RXRG: variants seen among roughly 807,000 people sequenced by gnomAD.
RXRG encodes retinoid X receptor gamma, also known as retinoic acid receptor RXR-gamma.
In RXRG, 19 loss-of-function variants were observed where a neutral mutation model predicts 49.2. The observed-to-expected ratio is 0.39, with a 90% confidence interval of 0.27 to 0.57. The LOEUF (loss-of-function observed/expected upper bound fraction) is 0.57. Ranked by LOEUF, RXRG falls within the 20% of genes least tolerant of loss-of-function variation. The pLI is 0.64. For synonymous variants in RXRG, 224 were observed against 216.6 expected (o/e 1.03, Z -0.30); for missense variants, 452 against 592.5 (o/e 0.76, Z 2.46).
At chr1:165,424,888 C>A in intron 2 of RXRG, 2 of 985,558 alleles carry the variant, frequency 2.0e-6, no homozygotes, top group Non-Finnish European at 1.2e-6. Flanking sequence ...AACACCAAGG[C>A]CTTTTTTCCA....
At chr1:165,418,099 A>C (rs157867) in intron 3 of RXRG, among the ~76,000 whole-genome samples, 60,860 of 133,406 alleles carry the variant, frequency 0.46, 15,061 homozygotes, top group African/African-American at 0.67. Flanking sequence ...TGACAGAGCG[A>C]GATCCCGTCT....
chr1:165,433,024 C>A (rs1315178390), intron 1 of RXRG, among the ~76,000 whole-genome samples: 2 of 152,132 alleles, frequency 1.3e-5, no homozygotes, highest in Non-Finnish European at 2.9e-5. Context: ...GGGATTAATG[C>A]ACTTATAAGA....
intron 4 of RXRG, among the ~76,000 whole-genome samples, chr1:165,415,462 C>T (rs1049072632): frequency 2.6e-5 from 4 of 152,164 alleles, no homozygotes; most frequent in Non-Finnish European, 4.4e-5. Context: ...GGCTACTGTG[C>T]TAAGAAGAGA....
intron 1 of RXRG, among the ~76,000 whole-genome samples, chr1:165,437,757 T>C (rs1658860355): frequency 6.6e-6 from 1 of 152,208 alleles, no homozygotes; most frequent in Non-Finnish European, 1.5e-5. Flanking sequence ...TGTACCAGTA[T>C]ACGGAATTGG....
intron 7 of RXRG, 40 bp downstream of exon 7, chr1:165,409,517 AC>A: frequency 7.1e-7 from 1 of 1,405,834 alleles, no homozygotes; most frequent in Non-Finnish European, 9.3e-7. Flanking sequence ...ACACACACAC[AC>A]ACATAATACA....
At chr1:165,433,748 G>C (rs1320440727) in intron 1 of RXRG, among the ~76,000 whole-genome samples, 1 of 152,188 alleles carries the variant, frequency 6.6e-6, no homozygotes, top group Admixed American at 6.5e-5. Context: ...AAGTGCAGGT[G>C]TTGGTGGTCT....
intron 1 of RXRG, among the ~76,000 whole-genome samples, chr1:165,444,610 C>T (rs376358161): frequency 6.6e-6 from 1 of 152,174 alleles, no homozygotes; most frequent in Non-Finnish European, 1.5e-5. Flanking sequence ...TTAGAATATC[C>T]CCGTATCCTC....
rs775016611 is a variant in RXRG, at chr1:165,438,350, C to CAA, written c.49+6493_49+6494dup. Among the ~76,000 whole-genome samples the CAA allele has an allele frequency of 5.3e-3, 787 of 148,138 alleles. 11 individuals are homozygous for CAA. The highest frequency in any genetic ancestry group is 0.017 in the African/African-American group (688 of 40,954). On this transcript the variant is annotated intron_variant, in intron 1 of 9. Coordinates refer to ENST00000359842, the MANE Select transcript of RXRG (RefSeq NM_006917.5). ...ATTGGTAAGTATAAGGCAAATATTC[C>CAA]AAAATAAAAAAAAAATCCCAAATCC...
At chr1:165,433,023 G>A (rs995582710) in intron 1 of RXRG, among the ~76,000 whole-genome samples, 12 of 152,154 alleles carry the variant, frequency 7.9e-5, no homozygotes, top group Non-Finnish European at 1.5e-4. Flanking sequence ...TGGGATTAAT[G>A]CACTTATAAG....
At chr1:165,431,808 A>G (rs1259755517) in intron 1 of RXRG, among the ~76,000 whole-genome samples, 2 of 152,086 alleles carry the variant, frequency 1.3e-5, no homozygotes, top group Non-Finnish European at 2.9e-5. Flanking sequence ...GACAAAGGGC[A>G]TTTTAAGTGG....
Position 165,411,380 on chromosome 1 carries a change from C to G in RXRG, c.623-271G>C, listed in dbSNP as rs528208992. On this transcript the variant is annotated intron_variant, in intron 4 of 9. Transcript: ENST00000359842. ...TATCCATTTTAAGCTTTAATAAACT[C>G]TAATTGTATCCTCTCTTTTAATGGG... is the stretch of plus-strand genomic sequence containing the variant. Among the ~76,000 whole-genome samples the G allele has an allele frequency of 2.6e-5, 4 of 152,278 alleles. No homozygotes were observed. In the South Asian group the frequency reaches 6.2e-4, roughly 24 times the overall value.
chr1:165,405,506 T>C lies in RXRG; in HGVS notation c.1244+1306A>G, dbSNP rs60490861. Among the ~76,000 whole-genome samples, 594 of 152,360 alleles carry C rather than the reference T, an allele frequency of 3.9e-3. 8 individuals are homozygous for C. Among genetic ancestry groups the C allele is most frequent in the African/African-American group, 0.014 (578 of 41,590 alleles). On this transcript the variant is annotated intron_variant, in intron 9 of 9. Coordinates refer to ENST00000359842, the MANE Select transcript of RXRG (RefSeq NM_006917.5). ...CTTGGCATCAGCTAATGAAAGTGAA[T>C]GAAAAGGTGAGGGCCCTCTAAGACC... is the stretch of plus-strand genomic sequence containing the variant.
At chr1:165,401,453 C>T (rs763127065) in intron 9 of RXRG, 43 bp from the exon 10 acceptor site, 1 of 1,609,506 alleles carries the variant, frequency 6.2e-7, no homozygotes, top group Non-Finnish European at 8.5e-7. Context: ...GACGGGCAGG[C>T]ACTGCACACC....
chr1:165,409,949 C>CT (rs3835578), intron 6 of RXRG, among the ~76,000 whole-genome samples: 81,690 of 149,034 alleles, frequency 0.55, 24,257 homozygotes, highest in Middle Eastern at 0.7. Flanking sequence ...GACAAGGATT[C>CT]TTTTTTTTTT....
chr1:165,429,719 C>T (rs959787793), intron 1 of RXRG, among the ~76,000 whole-genome samples: 1 of 152,182 alleles, frequency 6.6e-6, no homozygotes, highest in Non-Finnish European at 1.5e-5. Flanking sequence ...AAGGCAAATG[C>T]AGACCAGACT....
chr1:165,419,221 T>C (rs1447927220), intron 3 of RXRG, among the ~76,000 whole-genome samples: 3 of 152,190 alleles, frequency 2.0e-5, no homozygotes, highest in Admixed American at 2.0e-4. Flanking sequence ...AAAAGCATAT[T>C]GAAAATCTAG....
At chr1:165,429,076 C>G in intron 1 of RXRG, 110 bp from the exon 2 acceptor site, 1 of 1,208,134 alleles carries the variant, frequency 8.3e-7, no homozygotes. Context: ...CCTCTTTTAG[C>G]CACACCTACA....
intron 1 of RXRG, among the ~76,000 whole-genome samples, chr1:165,441,583 T>TA (rs1171537980): frequency 3.3e-5 from 5 of 152,224 alleles, no homozygotes; most frequent in African/African-American, 4.8e-5. Flanking sequence ...CTAGGGTTGT[T>TA]ATGAGGATTA....
chr1:165,431,840 A>C (rs1451838758), intron 1 of RXRG, among the ~76,000 whole-genome samples: 3 of 152,212 alleles, frequency 2.0e-5, no homozygotes, highest in African/African-American at 7.2e-5. Flanking sequence ...ACTTAAAAAA[A>C]AAATTAATAG....
Sources: allele counts gnomAD v4.1 joint callset (sites outside exome capture counted in the v4.1 genomes callset), GRCh38; gene constraint gnomAD v4.1.1; transcripts MANE v1.5; gene names NCBI Gene and HGNC (gene_info 2026-07-23, HGNC 2026-07-21).